FBRSL1: variants seen among roughly 807,000 people sequenced by gnomAD.
The protein encoded by FBRSL1 is fibrosin like 1.
In FBRSL1, 51 loss-of-function variants were observed where a neutral mutation model predicts 89.6. That is an observed-to-expected ratio of 0.57 (90% CI 0.45 to 0.72). The LOEUF is 0.72. Among genes scored for constraint, FBRSL1 ranks in the 30% least tolerant of loss-of-function variants. The pLI is 0.00. For missense variants in FBRSL1, 1,618 were observed against 1,451.8 expected, an observed-to-expected ratio of 1.11 and a Z score of -1.86; for synonymous variants, 779 against 681.1, an observed-to-expected ratio of 1.14 and a Z score of -2.24.
chr12:132,535,123 CG>C (rs990401543), intron 4 of FBRSL1, among the ~76,000 whole-genome samples: 2 of 152,208 alleles, frequency 1.3e-5, no homozygotes, highest in Non-Finnish European at 2.9e-5. Flanking sequence ...TGCTGTGACA[CG>C]GGGGTTAGGA....
chr12:132,562,993 CCACA>C, intron 5 of FBRSL1, among the ~76,000 whole-genome samples: 1 of 98,416 alleles, frequency 1.0e-5, no homozygotes, highest in Admixed American at 1.3e-4. Context: ...CACCTGGCCC[CCACA>C]GCCTGCACCC....
At chr12:132,531,709 G>A (rs2036305657) in intron 4 of FBRSL1, among the ~76,000 whole-genome samples, 1 of 152,008 alleles carries the variant, frequency 6.6e-6, no homozygotes, top group Admixed American at 6.6e-5. Context: ...GGCGTTGCGT[G>A]TTGTGCACGT....
intron 5 of FBRSL1, chr12:132,552,700 G>A (rs1305909027): frequency 6.3e-6 from 1 of 158,152 alleles, no homozygotes. Context: ...CAGACAGAAG[G>A]ACGGATGGAC....
chr12:132,568,805 G>C (rs745774459), intron 6 of FBRSL1, among the ~76,000 whole-genome samples: 31 of 152,138 alleles, frequency 2.0e-4, no homozygotes, highest in Non-Finnish European at 4.3e-4. Flanking sequence ...CAGCCTCTCT[G>C]TGGTCGCTGG....
At chr12:132,496,762 A>G (rs1262186637) in intron 1 of FBRSL1, among the ~76,000 whole-genome samples, 2 of 152,128 alleles carry the variant, frequency 1.3e-5, no homozygotes, top group Admixed American at 1.3e-4. Flanking sequence ...CACGGGACGC[A>G]TCTCTGGTCC....
At chr12:132,518,562 C>G (rs2035056969) in intron 2 of FBRSL1, among the ~76,000 whole-genome samples, 1 of 150,498 alleles carries the variant, frequency 6.6e-6, no homozygotes, top group African/African-American at 2.4e-5. Context: ...GTGCATCCAT[C>G]CATCTACCCA....
At chr12:132,492,426 C>G (rs1450277643) in intron 1 of FBRSL1, among the ~76,000 whole-genome samples, 1 of 152,202 alleles carries the variant, frequency 6.6e-6, no homozygotes, top group Non-Finnish European at 1.5e-5. Flanking sequence ...TCGTCTCCCA[C>G]AAGAACTTGT....
intron 6 of FBRSL1, among the ~76,000 whole-genome samples, chr12:132,568,370 C>T (rs1172520422): frequency 1.3e-5 from 2 of 152,276 alleles, no homozygotes; most frequent in African/African-American, 4.8e-5. Flanking sequence ...ATGGCCTTCA[C>T]CTGCCTTCAA....
chr12:132,525,896 G>C (rs1020923401), intron 3 of FBRSL1, 73 bp downstream of exon 3: 2 of 1,296,734 alleles, frequency 1.5e-6, no homozygotes, highest in East Asian at 2.6e-5. Flanking sequence ...GCACAAGGGC[G>C]TCCAGTCCGA....
At chr12:132,530,423 CAG>C (rs1244568423) in intron 4 of FBRSL1, among the ~76,000 whole-genome samples, 1 of 151,956 alleles carries the variant, frequency 6.6e-6, no homozygotes, top group Non-Finnish European at 1.5e-5. Flanking sequence ...CACTGTGGGT[CAG>C]GGGGAGGGCC....
chr12:132,516,237 C>T (rs779129294), intron 2 of FBRSL1, among the ~76,000 whole-genome samples: 20 of 150,426 alleles, frequency 1.3e-4, no homozygotes, highest in Non-Finnish European at 2.1e-4. Context: ...ATCACCCAGG[C>T]TGGAGTGCAG....
rs1181758416 is a variant in FBRSL1 at position 132,546,351 on chromosome 12, G to A, written c.616-1652G>A. Among the ~76,000 whole-genome samples the A allele has an allele frequency of 2.6e-5, 4 of 152,268 alleles. No individual in the cohort carries two copies. The highest frequency in any genetic ancestry group is 6.5e-5 in the Admixed American group (1 of 15,292). ...GCTCCGCACCTGCAGCCTCCGGGGC[G>A]GGATGGGCCCGGTTCTGACTTGGAG... On this transcript the variant is annotated intron_variant, in intron 4 of 18. Transcript: ENST00000680143. This position sits in a 1 kb window ranked among gnomAD's most constrained non-coding sequence, Gnocchi z 4.0.
intron 15 of FBRSL1, chr12:132,581,203 C>G: frequency 3.0e-6 from 3 of 985,340 alleles, no homozygotes; most frequent in Non-Finnish European, 3.6e-6. Flanking sequence ...TCCCTCCCTG[C>G]CCCCCTTGGG....
chr12:132,561,732 C>T (rs1201501895), intron 5 of FBRSL1, among the ~76,000 whole-genome samples: 2 of 152,190 alleles, frequency 1.3e-5, no homozygotes, highest in African/African-American at 4.8e-5. Context: ...AGAGGGCCCG[C>T]GTGCGTGCCA....
intron 2 of FBRSL1, among the ~76,000 whole-genome samples, chr12:132,516,091 T>C (rs1027181483): frequency 6.6e-6 from 1 of 151,738 alleles, no homozygotes; most frequent in Non-Finnish European, 1.5e-5. Context: ...AAAGGTGAAA[T>C]GGGGACAATT....
chr12:132,540,652 C>T lies in FBRSL1; in HGVS notation c.616-7351C>T, dbSNP rs114648309. Among the ~76,000 whole-genome samples, 802 of 152,246 alleles carry T rather than the reference C, an allele frequency of 5.3e-3. 5 individuals carry two copies. The highest frequency in any genetic ancestry group is 0.018 in the African/African-American group (746 of 41,550). On this transcript the variant is annotated intron_variant, in intron 4 of 18. Coordinates refer to ENST00000680143, the MANE Select transcript of FBRSL1 (RefSeq NM_001367871.1). ...CACTGCCAGCCATCCCGTGGGCTTC[C>T]GAGCCACCTGTGGTGTGTGTGGCGC...
In FBRSL1 at chr12:132,546,258, C is replaced by G. The variant is rs1432612079; in HGVS notation, c.616-1745C>G. On this transcript the variant is annotated intron_variant, in intron 4 of 18. Coordinates refer to ENST00000680143, the MANE Select transcript of FBRSL1 (RefSeq NM_001367871.1). This position sits in a 1 kb window ranked among gnomAD's most constrained non-coding sequence, Gnocchi z 4.0. Reference sequence around the variant, plus strand: ...ATATCACAGCAGGGGAGATGGAGGACTCAGAGGCCCAGGGCCACCAGCAAA... The same window carrying G: ...ATATCACAGCAGGGGAGATGGAGGAGTCAGAGGCCCAGGGCCACCAGCAAA... 6.6e-6 allele frequency among the ~76,000 whole-genome samples: 1 copy of G among 152,262 alleles called. No homozygotes were observed. Among genetic ancestry groups the G allele is most frequent in the Non-Finnish European group, 1.5e-5 (1 of 68,044 alleles).
chr12:132,506,221 G>A (rs2136530502), intron 1 of FBRSL1, among the ~76,000 whole-genome samples: 1 of 152,318 alleles, frequency 6.6e-6, no homozygotes, highest in South Asian at 2.1e-4. Context: ...GCTGGAGGGT[G>A]GGTCTGTGGA....
intron 2 of FBRSL1, among the ~76,000 whole-genome samples, chr12:132,517,103 C>G (rs2034910870): frequency 6.6e-6 from 1 of 152,350 alleles, no homozygotes; most frequent in East Asian, 1.9e-4. Flanking sequence ...CTGTGCAGGG[C>G]CTGTGGAGAG....
Sources: allele counts gnomAD v4.1 joint callset (sites outside exome capture counted in the v4.1 genomes callset), GRCh38; gene constraint gnomAD v4.1.1; non-coding constraint Gnocchi (gnomAD v3.1); transcripts MANE v1.5; gene names NCBI Gene and HGNC (gene_info 2026-07-23, HGNC 2026-07-21).